The following ABTB2 variants were observed in gnomAD, a reference collection of about 807,000 sequenced individuals.
ABTB2 encodes ankyrin repeat and BTB/POZ domain-containing protein 2.
In ABTB2, 56 loss-of-function variants were observed where a neutral mutation model predicts 104.1. That is an observed-to-expected ratio of 0.54 (90% CI 0.43 to 0.67). The LOEUF (loss-of-function observed/expected upper bound fraction) is 0.67. ABTB2 is among the 30% of genes least tolerant of loss of function. The pLI is 0.00. For synonymous variants in ABTB2, 606 were observed against 608.2 expected (o/e 1.00, Z 0.05); for missense variants, 1,279 against 1,407.7 (o/e 0.91, Z 1.46).
At chr11:34,332,170 TCTGATGCAG>T (rs1436063294) in intron 1 of ABTB2, among the ~76,000 whole-genome samples, 1 of 152,224 alleles carries the variant, frequency 6.6e-6, no homozygotes, top group Admixed American at 6.5e-5. Context: ...TCGCCTCTAT[TCTGATGCAG>T]CACTTAACGT....
chr11:34,276,124 T>C (rs958709867), intron 1 of ABTB2, among the ~76,000 whole-genome samples: 5 of 152,140 alleles, frequency 3.3e-5, no homozygotes, highest in East Asian at 1.9e-4. Flanking sequence ...CTTTGTTTCT[T>C]AGGGGGGACT....
intron 1 of ABTB2, among the ~76,000 whole-genome samples, chr11:34,343,767 C>A (rs188813245): frequency 6.6e-6 from 1 of 152,148 alleles, no homozygotes; most frequent in Non-Finnish European, 1.5e-5. Context: ...AGCCACCATG[C>A]CTGGCTGACA....
intron 1 of ABTB2, among the ~76,000 whole-genome samples, chr11:34,329,497 G>A (rs1482768943): frequency 6.6e-6 from 1 of 152,230 alleles, no homozygotes; most frequent in African/African-American, 2.4e-5. Context: ...TCAGCATGGG[G>A]TGGAGCATGT....
chr11:34,247,868 G>T (rs1854004409), intron 1 of ABTB2, among the ~76,000 whole-genome samples: 1 of 152,144 alleles, frequency 6.6e-6, no homozygotes, highest in African/African-American at 2.4e-5. Flanking sequence ...TTTTGTACAT[G>T]AGGAAATCGG....
At chr11:34,234,323 C>T (rs1038757157) in intron 1 of ABTB2, among the ~76,000 whole-genome samples, 5 of 152,160 alleles carry the variant, frequency 3.3e-5, no homozygotes, top group Non-Finnish European at 7.4e-5. Flanking sequence ...CCATCTCAAG[C>T]GAGAAATGGA....
intron 3 of ABTB2, among the ~76,000 whole-genome samples, chr11:34,181,511 G>C (rs1167322095): frequency 6.6e-6 from 1 of 152,174 alleles, no homozygotes; most frequent in African/African-American, 2.4e-5. Context: ...CATCCTGGCA[G>C]GCCAAGCAAA....
At chr11:34,299,815 G>A (rs912391876) in intron 1 of ABTB2, among the ~76,000 whole-genome samples, 1 of 152,210 alleles carries the variant, frequency 6.6e-6, no homozygotes, top group African/African-American at 2.4e-5. Flanking sequence ...CGGGTGAGCC[G>A]GAAAGGAGCA....
intron 3 of ABTB2, among the ~76,000 whole-genome samples, chr11:34,184,261 C>G (rs77175088): frequency 0.056 from 8,485 of 152,228 alleles, 277 homozygotes; most frequent in Non-Finnish European, 0.078. Context: ...AATAATTCCC[C>G]AGTAAAAAGA....
intron 1 of ABTB2, among the ~76,000 whole-genome samples, chr11:34,225,859 G>C (rs1853679337): frequency 6.6e-6 from 1 of 152,002 alleles, no homozygotes; most frequent in Non-Finnish European, 1.5e-5. Context: ...TGTTACATGA[G>C]TGCTTTGAGC....
intron 2 of ABTB2, among the ~76,000 whole-genome samples, chr11:34,201,349 T>C (rs1853333962): frequency 6.6e-6 from 1 of 152,122 alleles, no homozygotes; most frequent in South Asian, 2.1e-4. Context: ...AGCCATCAAA[T>C]AAAAACAGCA....
chr11:34,353,623 T>C (rs920133790), intron 1 of ABTB2, among the ~76,000 whole-genome samples: 7 of 152,224 alleles, frequency 4.6e-5, no homozygotes, highest in African/African-American at 1.7e-4. Flanking sequence ...CTGCAGAACT[T>C]TTATTATCCA....
intron 3 of ABTB2, among the ~76,000 whole-genome samples, chr11:34,178,291 G>A (rs1406972749): frequency 1.3e-5 from 2 of 152,154 alleles, no homozygotes; most frequent in Non-Finnish European, 2.9e-5. Flanking sequence ...GGGATCTGTG[G>A]GAAGGTAAAA....
intron 1 of ABTB2, among the ~76,000 whole-genome samples, chr11:34,266,425 G>T (rs1267370645): frequency 6.6e-6 from 1 of 152,098 alleles, no homozygotes; most frequent in Non-Finnish European, 1.5e-5. Flanking sequence ...CCCTGGCCTG[G>T]GCCTTAGTTT....
chr11:34,236,886 C>CT (rs1853851345), intron 1 of ABTB2, among the ~76,000 whole-genome samples: 1 of 152,192 alleles, frequency 6.6e-6, no homozygotes, highest in South Asian at 2.1e-4. Flanking sequence ...GATTCGGACT[C>CT]TATTTTGGCA....
intron 3 of ABTB2, among the ~76,000 whole-genome samples, chr11:34,191,028 T>C (rs1467335018): frequency 6.6e-6 from 1 of 152,220 alleles, no homozygotes; most frequent in Admixed American, 6.5e-5. Context: ...TGAGTTGACA[T>C]GGTCATACTC....
At position 34,310,912 on chromosome 11, in the gene ABTB2, T is replaced by C. The variant is rs193015107; in HGVS notation, c.883+45789A>G. On this transcript the variant is annotated intron_variant, in intron 1 of 16. Coordinates refer to ENST00000435224, the MANE Select transcript of ABTB2 (RefSeq NM_145804.3). ...GCAAATGTGTGCATTTGTGCTGTTT[T>C]TGGAAGGGAAGCAATTTCCCCGGTG... 5.3e-5 allele frequency among the ~76,000 whole-genome samples: 8 copies of C among 152,338 alleles called. No individual in the cohort carries two copies. The East Asian group carries it at 7.7e-4, about 15-fold the overall frequency.
intron 1 of ABTB2, among the ~76,000 whole-genome samples, chr11:34,275,208 A>G (rs1052837153): frequency 3.9e-5 from 6 of 152,226 alleles, no homozygotes; most frequent in African/African-American, 1.4e-4. Flanking sequence ...CCATGACAGC[A>G]TTCCTTACGC....
Position 34,281,748 on chromosome 11 carries a change from C to A in ABTB2, c.883+74953G>T, listed in dbSNP as rs575015545. ...ACGAAGCTACATCGCAGGATGGAAG[C>A]AAGGCTTACCTTCACCTTCTAGCTC... On this transcript the variant is annotated intron_variant, in intron 1 of 16. Coordinates refer to ENST00000435224, the MANE Select transcript of ABTB2 (RefSeq NM_145804.3). Among the ~76,000 whole-genome samples the A allele has an allele frequency of 1.7e-3, 258 of 152,352 alleles. 1 individual carries two copies. Among genetic ancestry groups the A allele is most frequent in the Admixed American group, 3.5e-3 (53 of 15,298 alleles).
intron 1 of ABTB2, among the ~76,000 whole-genome samples, chr11:34,337,411 C>T (rs773971676): frequency 3.9e-5 from 6 of 152,184 alleles, no homozygotes; most frequent in East Asian, 1.9e-4. Context: ...GCCAAAGGGC[C>T]GTACCTTGAG....
Sources: allele counts gnomAD v4.1 joint callset (sites outside exome capture counted in the v4.1 genomes callset), GRCh38; gene constraint gnomAD v4.1.1; transcripts MANE v1.5; gene names NCBI Gene and HGNC (gene_info 2026-07-23, HGNC 2026-07-21).